Variants in EPC2 observed in about 807,000 individuals in gnomAD.
The protein encoded by EPC2 is enhancer of polycomb homolog 2.
In EPC2, 14 loss-of-function variants were observed where a neutral mutation model predicts 92.1. The observed-to-expected ratio is 0.15, with a 90% CI of 0.10 to 0.24. The LOEUF (loss-of-function observed/expected upper bound fraction) is 0.24, where lower values mean the gene tolerates loss of function less well. Among genes scored for constraint, EPC2 ranks in the 10% least tolerant of loss-of-function variants. The pLI is 1.00. For missense variants in EPC2, 755 were observed against 971.5 expected (o/e 0.78, Z 2.96); for synonymous variants, 340 against 334.7 (o/e 1.02, Z -0.17).
chr2:148,748,151 C>T (rs539079447), intron 3 of EPC2, among the ~76,000 whole-genome samples: 3 of 152,184 alleles, frequency 2.0e-5, no homozygotes, highest in Admixed American at 1.3e-4. Flanking sequence ...CTTGTTCTCA[C>T]AAGAATATTT....
At chr2:148,731,885 T>G (rs1682639550) in intron 2 of EPC2, among the ~76,000 whole-genome samples, 1 of 152,260 alleles carries the variant, frequency 6.6e-6, no homozygotes, top group Non-Finnish European at 1.5e-5. Context: ...TCCAAAGAAT[T>G]TTTCCTTACT....
chr2:148,730,303 G>C (rs1167830336), intron 2 of EPC2, among the ~76,000 whole-genome samples: 1 of 152,112 alleles, frequency 6.6e-6, no homozygotes, highest in East Asian at 1.9e-4. Flanking sequence ...ATGGTGCTTG[G>C]GTTGCTTCTG....
chr2:148,754,582 T>G (rs1683145901), intron 4 of EPC2, among the ~76,000 whole-genome samples: 1 of 152,222 alleles, frequency 6.6e-6, no homozygotes, highest in African/African-American at 2.4e-5. Context: ...ACTTTACAGT[T>G]CCTTGGAAAC....
intron 10 of EPC2, among the ~76,000 whole-genome samples, chr2:148,775,112 AAAAG>A (rs953963745): frequency 1.8e-4 from 28 of 152,074 alleles, no homozygotes; most frequent in African/African-American, 5.5e-4. Flanking sequence ...AAAGAAAAGA[AAAAG>A]AAAACCACTT....
rs114625967 is a variant in EPC2, at chr2:148,722,747, C to T, written c.314-20875C>T. Among the ~76,000 whole-genome samples, 1,089 of 152,290 alleles carry T rather than the reference C, an allele frequency of 7.2e-3. 6 individuals carry two copies. The highest frequency in any genetic ancestry group is 0.025 in the African/African-American group (1,023 of 41,556). ...TGTATGTTCATTGCAGCACTATTCA[C>T]AGCAGCAAAGACGTGGAGTCAACCT... On this transcript the variant is annotated intron_variant, in intron 2 of 13. Coordinates refer to ENST00000258484, the MANE Select transcript of EPC2 (RefSeq NM_015630.4).
rs940369654 is a variant in EPC2, at chr2:148,773,427, C to T, written c.1720+2040C>T. On this transcript the variant is annotated intron_variant, in intron 10 of 13. Transcript: ENST00000258484. Reference sequence around the variant, plus strand: ...TTTCCTATCTAAAATTTTTTAATATCCTCAATACAGTACCATTTCTTTCTT... The same window carrying T: ...TTTCCTATCTAAAATTTTTTAATATTCTCAATACAGTACCATTTCTTTCTT... Among the ~76,000 whole-genome samples, 17 of 151,874 alleles carry T rather than the reference C, an allele frequency of 1.1e-4. 1 individual carries two copies. The highest frequency in any genetic ancestry group is 8.8e-5 in the Non-Finnish European group (6 of 67,900).
At chr2:148,669,003 A>AT (rs1302491896) in intron 1 of EPC2, among the ~76,000 whole-genome samples, 1 of 151,190 alleles carries the variant, frequency 6.6e-6, no homozygotes, top group East Asian at 1.9e-4. Context: ...AGTGCTGCAA[A>AT]TTTTTTTCCT....
chr2:148,646,480 T>C (rs527333829), intron 1 of EPC2, among the ~76,000 whole-genome samples: 64 of 152,116 alleles, frequency 4.2e-4, no homozygotes, highest in Non-Finnish European at 8.1e-4. Flanking sequence ...AATAGATATA[T>C]ATACACGCAC....
chr2:148,746,679 A>G (rs1682991861), intron 3 of EPC2, among the ~76,000 whole-genome samples: 1 of 152,282 alleles, frequency 6.6e-6, no homozygotes, highest in African/African-American at 2.4e-5. Context: ...AATATTTTCA[A>G]TGTTAAATTT....
intron 3 of EPC2, among the ~76,000 whole-genome samples, chr2:148,747,149 G>A (rs1378398510): frequency 6.6e-6 from 1 of 151,800 alleles, no homozygotes; most frequent in East Asian, 1.9e-4. Flanking sequence ...CCGATTTTTA[G>A]TTACTGATTA....
chr2:148,739,858 T>C (rs1682847186), intron 2 of EPC2, among the ~76,000 whole-genome samples: 1 of 98,056 alleles, frequency 1.0e-5, no homozygotes, highest in Non-Finnish European at 2.2e-5. Context: ...TTTTTTTTTT[T>C]GGTTTACTGC....
intron 1 of EPC2, among the ~76,000 whole-genome samples, chr2:148,666,885 C>G: frequency 6.9e-6 from 1 of 145,068 alleles, no homozygotes; most frequent in East Asian, 2.0e-4. Context: ...TTTTTTTTTT[C>G]CAGGCTCAGG....
chr2:148,752,182 C>G (rs575208740), intron 3 of EPC2, among the ~76,000 whole-genome samples: 5 of 152,214 alleles, frequency 3.3e-5, no homozygotes, highest in Admixed American at 2.0e-4. Context: ...TCTCCCCATT[C>G]GGAGGTTAGA....
intron 1 of EPC2, among the ~76,000 whole-genome samples, chr2:148,656,025 G>GTGTGT (rs551078218): frequency 8.7e-4 from 90 of 103,182 alleles, no homozygotes; most frequent in African/African-American, 3.5e-3. Flanking sequence ...GTGTGTGTGT[G>GTGTGT]GGGGGGGGGG....
chr2:148,676,361 G>A (rs996531053), intron 1 of EPC2, among the ~76,000 whole-genome samples: 6 of 151,734 alleles, frequency 4.0e-5, no homozygotes, highest in African/African-American at 1.5e-4. Flanking sequence ...GAATGTCAAA[G>A]TACCTATAAG....
chr2:148,660,102 G>C (rs1559140076), intron 1 of EPC2, among the ~76,000 whole-genome samples: 1 of 152,086 alleles, frequency 6.6e-6, no homozygotes, highest in Non-Finnish European at 1.5e-5. Context: ...ACATCTCTGA[G>C]ATATCTCTGT....
At chr2:148,750,396 A>T (rs987669077) in intron 3 of EPC2, among the ~76,000 whole-genome samples, 10 of 152,030 alleles carry the variant, frequency 6.6e-5, no homozygotes, top group Non-Finnish European at 1.5e-4. Context: ...TTAAAAAAAA[A>T]AGTAGCACAT....
intron 3 of EPC2, among the ~76,000 whole-genome samples, chr2:148,747,338 A>G (rs1178222977): frequency 1.3e-5 from 2 of 151,482 alleles, no homozygotes; most frequent in Non-Finnish European, 3.0e-5. Flanking sequence ...ATAATCCTAA[A>G]CCCTTCCTAA....
intron 2 of EPC2, among the ~76,000 whole-genome samples, chr2:148,713,304 T>G (rs560169798): frequency 6.6e-4 from 101 of 152,290 alleles, no homozygotes; most frequent in African/African-American, 2.3e-3. Flanking sequence ...TGACCCAGTG[T>G]AGGCCTAGGC....
Sources: gnomAD v4.1 joint callset for allele counts (sites outside exome capture counted in the v4.1 genomes callset) on GRCh38, gnomAD v4.1.1 for gene constraint, MANE v1.5 for transcripts, NCBI Gene and HGNC (gene_info 2026-07-23, HGNC 2026-07-21) for gene names.